Variants in RAC1 observed in about 807,000 individuals in gnomAD.
The protein encoded by RAC1 is ras-related C3 botulinum toxin substrate 1.
Under a neutral mutation model 25.2 loss-of-function variants are expected in RAC1, and 2 were observed. The ratio of observed to expected loss-of-function variants is 0.08; its 90% CI spans 0.03 to 0.25. The LOEUF (loss-of-function observed/expected upper bound fraction) is 0.25, where lower values mean the gene tolerates loss of function less well. Ranked by LOEUF, RAC1 falls within the 10% of genes least tolerant of loss-of-function variation. The pLI, the probability that RAC1 is intolerant of heterozygous loss-of-function variation, is 1.00. For missense variants in RAC1, 50 were observed against 235.7 expected (o/e 0.21, Z 5.16); for synonymous variants, 88 against 94.0 (o/e 0.94, Z 0.37).
At chr7:6,376,713 G>A (rs1327466871) in intron 1 of RAC1, among the ~76,000 whole-genome samples, 4 of 133,994 alleles carry the variant, frequency 3.0e-5, no homozygotes, top group African/African-American at 1.1e-4. Flanking sequence ...TGGAGACGGA[G>A]TTTCACCATG....
At chr7:6,383,894 C>A (rs1782847833) in intron 1 of RAC1, among the ~76,000 whole-genome samples, 1 of 147,358 alleles carries the variant, frequency 6.8e-6, no homozygotes, top group African/African-American at 2.6e-5. Flanking sequence ...CTTCCGCCTC[C>A]CGGGTTCAAG....
At chr7:6,386,249 CT>C (rs1317970456) in intron 1 of RAC1, among the ~76,000 whole-genome samples, 14 of 152,200 alleles carry the variant, frequency 9.2e-5, no homozygotes, top group African/African-American at 3.4e-4. Context: ...TGCTTATAGA[CT>C]TATGGTGCTG....
intron 1 of RAC1, among the ~76,000 whole-genome samples, chr7:6,383,038 C>G (rs571416360): frequency 1.9e-4 from 29 of 152,338 alleles, no homozygotes; most frequent in African/African-American, 6.7e-4. Context: ...CATGAACTTT[C>G]TTCCAGCCGA....
intron 1 of RAC1, among the ~76,000 whole-genome samples, chr7:6,380,389 TG>T (rs1344806263): frequency 1.3e-5 from 2 of 152,160 alleles, no homozygotes. Context: ...TGTGTGTGTG[TG>T]TGTGTGTTTT....
At chr7:6,397,032 A>C (rs1325682558) in intron 3 of RAC1, among the ~76,000 whole-genome samples, 1 of 114,618 alleles carries the variant, frequency 8.7e-6, no homozygotes, top group Non-Finnish European at 1.7e-5. Flanking sequence ...CTCCCTCTCA[A>C]AAACAAAAAA....
chr7:6,398,645 T>G, intron 3 of RAC1: 1 of 1,612,330 alleles, frequency 6.2e-7, no homozygotes, highest in Non-Finnish European at 8.5e-7. Context: ...TCAAACCAAG[T>G]TCTCATGCAT....
Position 6,376,481 on chromosome 7 carries a change from G to C in RAC1, c.35+1711G>C, listed in dbSNP as rs34682406. ...TTACAGGCGTAAGCCACGGCGCCCG[G>C]CCCAATTTTTTTTTTTTTTCTTTTC... is the stretch of plus-strand genomic sequence containing the variant. On this transcript the variant is annotated intron_variant, in intron 1 of 5. Transcript: ENST00000348035. Among the ~76,000 whole-genome samples, 331 of 144,250 alleles carry C rather than the reference G, an allele frequency of 2.3e-3. 15 individuals carry two copies. In the East Asian group the frequency reaches 0.062, roughly 27 times the overall value. 94.6% of individuals were successfully genotyped at this position (144,250 alleles called of 152,430 possible). A position where few individuals can be genotyped will look rare whatever the true frequency, so the allele number is the denominator to read the frequency against.
chr7:6,382,317 A>T (rs765247040), intron 1 of RAC1, among the ~76,000 whole-genome samples: 11 of 152,084 alleles, frequency 7.2e-5, no homozygotes, highest in Non-Finnish European at 1.6e-4. Context: ...AGACAGCAAT[A>T]TATGCTCTGT....
intron 3 of RAC1, chr7:6,399,784 T>G: frequency 4.3e-6 from 1 of 232,078 alleles, no homozygotes; most frequent in South Asian, 1.1e-4. Flanking sequence ...TTTACAGAAA[T>G]ATTGGAATCA....
chr7:6,398,730 T>G (rs750377911), intron 3 of RAC1: 2 of 1,612,396 alleles, frequency 1.2e-6, no homozygotes, highest in South Asian at 2.2e-5. Context: ...TATGTAAAAC[T>G]TTCAGTCCAC....
At chr7:6,398,796 T>G in intron 3 of RAC1, 1 of 1,370,496 alleles carries the variant, frequency 7.3e-7, no homozygotes, top group Non-Finnish European at 1.0e-6. Flanking sequence ...TAGGATTTTT[T>G]ATTAAGCCTC....
chr7:6,375,099 A>C (rs1782543745), intron 1 of RAC1, among the ~76,000 whole-genome samples: 1 of 151,238 alleles, frequency 6.6e-6, no homozygotes, highest in African/African-American at 2.4e-5. Context: ...GCTCTTGGAG[A>C]TTTTGACCAT....
intron 2 of RAC1, among the ~76,000 whole-genome samples, chr7:6,388,517 G>A (rs1171017517): frequency 2.0e-5 from 3 of 151,652 alleles, no homozygotes; most frequent in Non-Finnish European, 4.4e-5. Flanking sequence ...GCTAATTTTT[G>A]TTTCTTTAGT....
chr7:6,394,362 A>G (rs1460225185), intron 3 of RAC1, among the ~76,000 whole-genome samples: 1 of 152,214 alleles, frequency 6.6e-6, no homozygotes, highest in African/African-American at 2.4e-5. Flanking sequence ...TTTCTCTTGA[A>G]AATCTTTGCT....
At chr7:6,381,838 G>A (rs1190205002) in intron 1 of RAC1, among the ~76,000 whole-genome samples, 1 of 152,106 alleles carries the variant, frequency 6.6e-6, no homozygotes, top group South Asian at 2.1e-4. Context: ...CATAGTTAAC[G>A]CAGTTATATA....
At chr7:6,391,004 C>T (rs1412022443) in intron 2 of RAC1, among the ~76,000 whole-genome samples, 1 of 152,168 alleles carries the variant, frequency 6.6e-6, no homozygotes, top group Non-Finnish European at 1.5e-5. Context: ...TCAAGCGATT[C>T]TCTTGCCTCA....
chr7:6,383,537 C>A (rs1054013470), intron 1 of RAC1, among the ~76,000 whole-genome samples: 1 of 151,958 alleles, frequency 6.6e-6, no homozygotes, highest in African/African-American at 2.4e-5. Flanking sequence ...TATGCCAGTA[C>A]CTTGAATTTC....
chr7:6,395,939 C>T (rs1783225097), intron 3 of RAC1, among the ~76,000 whole-genome samples: 2 of 152,204 alleles, frequency 1.3e-5, no homozygotes, highest in African/African-American at 4.8e-5. Context: ...CCCTGTCTTA[C>T]TCCATGGAAA....
At chr7:6,394,465 C>T (rs868867322) in intron 3 of RAC1, among the ~76,000 whole-genome samples, 9 of 128,216 alleles carry the variant, frequency 7.0e-5, no homozygotes, top group African/African-American at 2.3e-4. Context: ...TGTAGATCAC[C>T]TGTATTTATT....
Sources: allele counts gnomAD v4.1 joint callset (sites outside exome capture counted in the v4.1 genomes callset), GRCh38; gene constraint gnomAD v4.1.1; transcripts MANE v1.5; gene names NCBI Gene and HGNC (gene_info 2026-07-23, HGNC 2026-07-21).